PHKB: variants seen among roughly 807,000 people sequenced by gnomAD.
The protein encoded by PHKB is phosphorylase kinase regulatory subunit beta.
A neutral mutation model predicts 152.1 loss-of-function variants in PHKB; 122 were observed. That is an observed-to-expected ratio of 0.80 (90% CI 0.69 to 0.93). The LOEUF (loss-of-function observed/expected upper bound fraction) is 0.93, where lower values mean the gene tolerates loss of function less well. Among genes scored for constraint, PHKB ranks in the 40% least tolerant of loss-of-function variants. The pLI, the probability that PHKB is intolerant of heterozygous loss-of-function variation, is 0.00. For missense variants in PHKB, 1,304 were observed against 1,328.4 expected (o/e 0.98, Z 0.29); for synonymous variants, 436 against 464.9 (o/e 0.94, Z 0.80).
intron 10 of PHKB, chr16:47,590,935 C>G (rs767596038): frequency 3.3e-5 from 5 of 152,202 alleles, no homozygotes; most frequent in Non-Finnish European, 7.3e-5. Flanking sequence ...CCTTTCATTT[C>G]TGCATGGTCT....
At position 47,595,880 on chromosome 16, in the gene PHKB, G is replaced by A. The variant is rs144085058; in HGVS notation, c.1205-493G>A. 1.4e-4 allele frequency among the ~76,000 whole-genome samples: 21 copies of A among 152,248 alleles called. No homozygotes were observed. In the Middle Eastern group the frequency reaches 0.01, roughly 74 times the overall value. The stretch of plus-strand genomic sequence containing the variant: ...TATCTGAAAGGAACCAGAATATCCA[G>A]CTTTCTATAGCTTATCAAATCTGTT... On this transcript the variant is annotated intron_variant, in intron 12 of 30. Transcript: ENST00000323584.
intron 25 of PHKB, chr16:47,665,631 C>T (rs893417550): frequency 2.3e-6 from 1 of 426,706 alleles, no homozygotes; most frequent in Non-Finnish European, 4.4e-6. Context: ...CCCTCCTATA[C>T]ACCCTCCCTC....
intron 13 of PHKB, among the ~76,000 whole-genome samples, chr16:47,600,749 T>C (rs1256680778): frequency 2.6e-5 from 4 of 152,246 alleles, no homozygotes; most frequent in African/African-American, 9.6e-5. Flanking sequence ...TATTTAAACA[T>C]AGAAAATGTT....
chr16:47,503,463 A>G (rs553220760), intron 4 of PHKB, among the ~76,000 whole-genome samples: 1 of 152,212 alleles, frequency 6.6e-6, no homozygotes, highest in Admixed American at 6.5e-5. Flanking sequence ...GCTCTGGCTT[A>G]AGTGAACTTT....
intron 7 of PHKB, among the ~76,000 whole-genome samples, 198 bp from the exon 8 acceptor site, chr16:47,580,097 C>T (rs1971816884): frequency 6.6e-6 from 1 of 151,930 alleles, no homozygotes. Context: ...AAATATTTTT[C>T]CCAGGTGATC....
chr16:47,495,040 C>A (rs1272401695), intron 1 of PHKB, among the ~76,000 whole-genome samples: 1 of 152,076 alleles, frequency 6.6e-6, no homozygotes, highest in African/African-American at 2.4e-5. Flanking sequence ...CATGGGCGTT[C>A]TTTGAATGTA....
intron 3 of PHKB, among the ~76,000 whole-genome samples, 193 bp downstream of exon 3, chr16:47,500,087 C>T (rs1970300019): frequency 6.6e-6 from 1 of 151,782 alleles, no homozygotes. Flanking sequence ...ACCCAGGCTG[C>T]AATGCAGTGG....
chr16:47,617,929 A>G (rs145703559), intron 14 of PHKB, among the ~76,000 whole-genome samples: 90 of 152,306 alleles, frequency 5.9e-4, no homozygotes, highest in African/African-American at 1.9e-3. Context: ...AGCTTGTTCT[A>G]TATATTTGGA....
rs190747501 is a variant in PHKB, at chr16:47,619,222, A to G, written c.1458+8302A>G. 3.3e-5 allele frequency: 5 copies of G among 152,354 alleles called. No individual in the cohort carries two copies. In the South Asian group the frequency reaches 8.3e-4, roughly 25 times the overall value. The allele number at this position is 152,354 out of a possible 1,614,324, so 9.4% of individuals were successfully genotyped here. Reference sequence around the variant, plus strand: ...ACCAATATGAAGGCGTTAACTGAAGAATGAAAGGAAGGAGGGAATGTCAAG... The same window carrying G: ...ACCAATATGAAGGCGTTAACTGAAGGATGAAAGGAAGGAGGGAATGTCAAG... On this transcript the variant is annotated intron_variant, in intron 14 of 30. Coordinates refer to ENST00000323584, the MANE Select transcript of PHKB (RefSeq NM_000293.3).
rs143871324 is a variant in PHKB at position 47,650,607 on chromosome 16, A to C, written c.1861A>C (p.Ile621Leu). 2 of 1,607,896 alleles carry C rather than the reference A, an allele frequency of 1.2e-6. No individual in the cohort carries two copies. Among genetic ancestry groups the C allele is most frequent in the Admixed American group, 1.7e-5 (1 of 59,990 alleles). ...TGGACGTCCACTTTTCCTTGTTCTC[A>C]TCCGGGAAGACAATATAAGGTAGGT... ...MHGRPLFLVL[I>L]REDNIRGSRF... Residue 621 changes from isoleucine (I) to leucine (L), a missense_variant, in exon 19 of 31, where the codon ATC becomes CTC. Transcript: ENST00000323584.
chr16:47,676,323 G>A (rs1208439062), intron 26 of PHKB: 1 of 152,138 alleles, frequency 6.6e-6, no homozygotes, highest in Non-Finnish European at 1.5e-5. Flanking sequence ...GGTACAATAA[G>A]CACATCAGAC....
intron 1 of PHKB, among the ~76,000 whole-genome samples, chr16:47,480,896 G>C (rs1969952863): frequency 6.6e-6 from 1 of 152,114 alleles, no homozygotes; most frequent in Non-Finnish European, 1.5e-5. Context: ...AGCCAAACTA[G>C]ATGGTCTGAA....
intron 4 of PHKB, among the ~76,000 whole-genome samples, chr16:47,511,227 T>C (rs1213768998): frequency 6.6e-6 from 1 of 152,220 alleles, no homozygotes; most frequent in Admixed American, 6.5e-5. Context: ...GAAATTGTAT[T>C]TGAAATTTGA....
chr16:47,646,746 T>G (rs1435837044), intron 16 of PHKB, among the ~76,000 whole-genome samples: 1 of 152,054 alleles, frequency 6.6e-6, no homozygotes, highest in Non-Finnish European at 1.5e-5. Flanking sequence ...ATTGGTACAT[T>G]ATTTCTAGAG....
intron 14 of PHKB, among the ~76,000 whole-genome samples, chr16:47,625,683 CTAATA>C (rs1820201874): frequency 6.6e-6 from 1 of 152,160 alleles, no homozygotes; most frequent in Non-Finnish European, 1.5e-5. Context: ...TTCAGTTACT[CTAATA>C]TATTACCCTT....
intron 7 of PHKB, among the ~76,000 whole-genome samples, chr16:47,558,365 TA>T (rs1362401715): frequency 2.0e-5 from 3 of 152,108 alleles, no homozygotes; most frequent in African/African-American, 7.2e-5. Context: ...ACATGTACCC[TA>T]AAACTTAAAG....
At chr16:47,598,723 AT>A in intron 13 of PHKB, 1 of 1,575,004 alleles carries the variant, frequency 6.3e-7, no homozygotes, top group Non-Finnish European at 8.7e-7. Context: ...CCACTCCCTC[AT>A]TTTTCTTGCC....
intron 6 of PHKB, among the ~76,000 whole-genome samples, chr16:47,531,652 C>G (rs1970863027): frequency 6.6e-6 from 1 of 152,142 alleles, no homozygotes; most frequent in Non-Finnish European, 1.5e-5. Context: ...ATAGAAGACA[C>G]TTGGATTCTC....
At chr16:47,669,744 A>G (rs1200787272) in intron 26 of PHKB, among the ~76,000 whole-genome samples, 1 of 152,236 alleles carries the variant, frequency 6.6e-6, no homozygotes, top group Non-Finnish European at 1.5e-5. Flanking sequence ...AATAAAATGG[A>G]TAGGCCTTAA....
Sources: allele counts gnomAD v4.1 joint callset (sites outside exome capture counted in the v4.1 genomes callset), GRCh38; gene constraint gnomAD v4.1.1; transcripts MANE v1.5; gene names NCBI Gene and HGNC (gene_info 2026-07-23, HGNC 2026-07-21).